Variants in RPS6KA2 observed in about 807,000 individuals in gnomAD.
The protein encoded by RPS6KA2 is ribosomal protein S6 kinase A2, also known as ribosomal protein S6 kinase alpha-2.
A neutral mutation model predicts 91.8 loss-of-function variants in RPS6KA2; 42 were observed. The observed-to-expected ratio is 0.46, with a 90% CI of 0.36 to 0.59. RPS6KA2 has a LOEUF of 0.59. RPS6KA2 is among the 20% of genes least tolerant of loss of function. The pLI is 0.00. For synonymous variants in RPS6KA2, 414 were observed against 393.6 expected, an observed-to-expected ratio of 1.05 and a Z score of -0.61; for missense variants, 798 against 978.5, an observed-to-expected ratio of 0.82 and a Z score of 2.46.
chr6:166,781,947 G>A (rs924464351), intron 2 of RPS6KA2, among the ~76,000 whole-genome samples: 2 of 152,182 alleles, frequency 1.3e-5, no homozygotes, highest in Non-Finnish European at 1.5e-5. Flanking sequence ...TGACCCACTA[G>A]TGGCCAGTAG....
chr6:166,712,271 C>T (rs1789884707), intron 2 of RPS6KA2, among the ~76,000 whole-genome samples: 1 of 152,212 alleles, frequency 6.6e-6, no homozygotes, highest in Non-Finnish European at 1.5e-5. Context: ...AGACTCTCAT[C>T]TGGTGGTGAG....
chr6:166,652,629 A>G (rs147685270), intron 2 of RPS6KA2, among the ~76,000 whole-genome samples: 9 of 152,306 alleles, frequency 5.9e-5, no homozygotes, highest in Admixed American at 5.9e-4. Context: ...CCCTCTGACC[A>G]ACTCAACTCT....
At chr6:166,826,949 T>C (rs1562459573) in intron 2 of RPS6KA2, among the ~76,000 whole-genome samples, 1 of 152,134 alleles carries the variant, frequency 6.6e-6, no homozygotes, top group African/African-American at 2.4e-5. Flanking sequence ...TCTAGAAAGG[T>C]CAGGGTTGAA....
At position 166,448,981 on chromosome 6, in the gene RPS6KA2, A is replaced by C; in HGVS notation, c.1207-132T>G. The C allele has an allele frequency of 3.1e-4, 331 of 1,065,264 alleles. No individual in the cohort carries two copies. Among genetic ancestry groups the C allele is most frequent in the Middle Eastern group, 5.5e-4 (2 of 3,648 alleles). 66.0% of individuals were successfully genotyped at this position (1,065,264 alleles called of 1,614,324 possible). The stretch of plus-strand genomic sequence containing the variant: ...TGAGTGTGTGGAGGCCTGGGAGCTC[A>C]TGGGTCCCCCTGCCCAAGGCTGCAG... On this transcript the variant is annotated intron_variant, in intron 13 of 20. Transcript: ENST00000265678. The surrounding 1 kb of genome is among the most constrained non-coding windows in gnomAD (Gnocchi z 4.7).
intron 2 of RPS6KA2, among the ~76,000 whole-genome samples, chr6:166,788,599 T>C (rs768158877): frequency 1.3e-5 from 2 of 151,982 alleles, no homozygotes. Flanking sequence ...GAAAACCAAA[T>C]ACTGCATGTT....
chr6:166,769,096 C>A (rs180734318), intron 2 of RPS6KA2, among the ~76,000 whole-genome samples: 3 of 152,304 alleles, frequency 2.0e-5, no homozygotes, highest in East Asian at 3.9e-4. Context: ...CACACCCTAC[C>A]CTGGCCCTGA....
intron 1 of RPS6KA2, among the ~76,000 whole-genome samples, chr6:166,620,197 T>G (rs1167203554): frequency 2.0e-5 from 3 of 152,222 alleles, no homozygotes; most frequent in African/African-American, 7.2e-5. Flanking sequence ...TTTTTCTTAT[T>G]TGTCAATCTC....
chr6:166,616,992 C>T (rs1049167142), intron 1 of RPS6KA2, among the ~76,000 whole-genome samples: 1 of 152,220 alleles, frequency 6.6e-6, no homozygotes, highest in Non-Finnish European at 1.5e-5. Context: ...TTCATGGGTC[C>T]AGGTACAGGA....
intron 11 of RPS6KA2, among the ~76,000 whole-genome samples, chr6:166,466,865 T>TACTCACTCACTC (rs1780544857): frequency 1.4e-5 from 1 of 73,668 alleles, no homozygotes; most frequent in Non-Finnish European, 2.5e-5. Flanking sequence ...CTGACTCCCT[T>TACTCACTCACTC]ACTCATTCAC....
rs1781983738 is a variant in RPS6KA2 at position 166,500,415 on chromosome 6, C to A, written c.604+472G>T. On this transcript the variant is annotated intron_variant, in intron 7 of 20. Transcript: ENST00000265678. This position sits in a 1 kb window ranked among gnomAD's most constrained non-coding sequence, Gnocchi z 4.3. ...ACAGGGAGGGAAGTCACGTGGCCAC[C>A]ACCACGGTCCAGGGAGTGAGAAGGA... Among the ~76,000 whole-genome samples the A allele has an allele frequency of 6.6e-6, 1 of 152,180 alleles. No homozygotes were observed. The highest frequency in any genetic ancestry group is 1.5e-5 in the Non-Finnish European group (1 of 68,048).
At position 166,667,425 on chromosome 6, in the gene RPS6KA2, G is replaced by A. The variant is rs573101859; in HGVS notation, c.124-128641C>T. On this transcript the variant is annotated intron_variant, in intron 2 of 21. Transcript: ENST00000503859. ...CCTAATGAAAATTACTAATTTGCCT[G>A]CTATTTTGTTTTAACATGCTTGAAC... Among the ~76,000 whole-genome samples, 13 of 152,258 alleles carry A rather than the reference G, an allele frequency of 8.5e-5. No individual in the cohort carries two copies. In the South Asian group the frequency reaches 2.5e-3, roughly 29 times the overall value.
intron 1 of RPS6KA2, among the ~76,000 whole-genome samples, chr6:166,549,666 G>GT (rs368784045): frequency 1.3e-3 from 199 of 152,212 alleles, no homozygotes; most frequent in African/African-American, 4.4e-3. Flanking sequence ...GGGGGTGTGT[G>GT]TGTCCATAAA....
chr6:166,572,657 GA>G (rs1784723717), intron 1 of RPS6KA2, among the ~76,000 whole-genome samples: 1 of 152,248 alleles, frequency 6.6e-6, no homozygotes, highest in Non-Finnish European at 1.5e-5. Flanking sequence ...ATGGCCTGGG[GA>G]TAGGGGACCA....
In RPS6KA2 at chr6:166,803,532, G is replaced by A. The variant is rs113783308; in HGVS notation, c.123+54668C>T. On this transcript the variant is annotated intron_variant, in intron 2 of 21. Transcript: ENST00000503859. ...GTTAATCTAAAAGCTTTAGAGCCCCGGAAATCCCGTGTCAGGAGTCTAAAC... is the reference window on the plus strand; with the variant it reads ...GTTAATCTAAAAGCTTTAGAGCCCCAGAAATCCCGTGTCAGGAGTCTAAAC... 8.6e-3 allele frequency among the ~76,000 whole-genome samples: 1,306 copies of A among 152,298 alleles called. 26 individuals carry two copies. Among genetic ancestry groups the A allele is most frequent in the African/African-American group, 0.03 (1,252 of 41,548 alleles).
chr6:166,801,074 C>A (rs1274371072), intron 2 of RPS6KA2, among the ~76,000 whole-genome samples: 3 of 152,086 alleles, frequency 2.0e-5, no homozygotes, highest in Non-Finnish European at 4.4e-5. Context: ...AAAATTTAAA[C>A]CATGGTATGT....
Position 166,419,768 on chromosome 6 carries a change from G to T in RPS6KA2, c.1820+114C>A. Reference sequence around the variant, plus strand: ...CCTGGGAGTGTTTGCATACACGTTGGGTTTGCCCACATGCGCACACTAGGA... The same window carrying T: ...CCTGGGAGTGTTTGCATACACGTTGTGTTTGCCCACATGCGCACACTAGGA... On this transcript the variant is annotated intron_variant, in intron 18 of 20. Coordinates refer to ENST00000265678, the MANE Select transcript of RPS6KA2 (RefSeq NM_021135.6). The surrounding 1 kb of genome is among the most constrained non-coding windows in gnomAD (Gnocchi z 5.6). 1.2e-6 allele frequency: 1 copy of T among 854,142 alleles called. No individual in the cohort carries two copies. Among genetic ancestry groups the T allele is most frequent in the Non-Finnish European group, 1.9e-6 (1 of 514,154 alleles). 52.9% of individuals were successfully genotyped at this position (854,142 alleles called of 1,614,324 possible). A position where few individuals can be genotyped will look rare whatever the true frequency, so the allele number is the denominator to read the frequency against.
chr6:166,425,521 T>C (rs1778878433), intron 16 of RPS6KA2, among the ~76,000 whole-genome samples: 1 of 152,108 alleles, frequency 6.6e-6, no homozygotes, highest in African/African-American at 2.4e-5. Context: ...GGATAGAGTG[T>C]CAAGACCCAT....
chr6:166,523,447 C>T (rs950580600), intron 3 of RPS6KA2, among the ~76,000 whole-genome samples: 1 of 152,084 alleles, frequency 6.6e-6, no homozygotes, highest in Non-Finnish European at 1.5e-5. Context: ...CTGGGGACCC[C>T]AGGAGTTATC....
chr6:166,836,523 A>G lies in RPS6KA2; in HGVS notation c.123+21677T>C, dbSNP rs548385662. Reference sequence around the variant, plus strand: ...CACTTCTGTGCCCAATGTATTAATCAGCTCATTACAGAATACTTCACCTCT... The same window carrying G: ...CACTTCTGTGCCCAATGTATTAATCGGCTCATTACAGAATACTTCACCTCT... On this transcript the variant is annotated intron_variant, in intron 2 of 21. Transcript: ENST00000503859. 1.9e-3 allele frequency among the ~76,000 whole-genome samples: 284 copies of G among 152,248 alleles called. 2 individuals carry two copies. The highest frequency in any genetic ancestry group is 3.4e-3 in the Middle Eastern group (1 of 294).
Sources: gnomAD v4.1 joint callset for allele counts (sites outside exome capture counted in the v4.1 genomes callset) on GRCh38, gnomAD v4.1.1 for gene constraint, Gnocchi (gnomAD v3.1) non-coding constraint, MANE v1.5 for transcripts, NCBI Gene and HGNC (gene_info 2026-07-23, HGNC 2026-07-21) for gene names.